Variants in DPP6 observed in about 807,000 individuals in gnomAD.
DPP6 encodes the protein A-type potassium channel modulatory protein DPP6.
A neutral mutation model predicts 122.6 loss-of-function variants in DPP6; 69 were observed. That is an observed-to-expected ratio of 0.56 (90% CI 0.46 to 0.69). The LOEUF is 0.69. Among genes scored for constraint, DPP6 ranks in the 30% least tolerant of loss-of-function variants. The pLI, the probability that DPP6 is intolerant of heterozygous loss-of-function variation, is 0.00. For synonymous variants in DPP6, 418 were observed against 433.1 expected (o/e 0.97, Z 0.43); for missense variants, 928 against 1,116.9 (o/e 0.83, Z 2.41).
At chr7:154,758,968 G>T (rs1232013975) in intron 8 of DPP6, among the ~76,000 whole-genome samples, 1 of 152,174 alleles carries the variant, frequency 6.6e-6, no homozygotes, top group Non-Finnish European at 1.5e-5. Context: ...TTTGTCTATG[G>T]ATTTTCCTCT....
intron 17 of DPP6, among the ~76,000 whole-genome samples, chr7:154,864,243 G>C (rs1322275254): frequency 6.6e-6 from 1 of 152,176 alleles, no homozygotes; most frequent in Non-Finnish European, 1.5e-5. Context: ...GTGTTCATTG[G>C]ATCTGGTCAC....
At chr7:153,868,619 T>C in the DPP6 span, among the ~76,000 whole-genome samples, 2 of 152,196 alleles carry the variant, frequency 1.3e-5, no homozygotes, top group Admixed American at 1.3e-4. Context: ...GATTCATTGA[T>C]TTTTTGAAGG....
Position 154,892,363 on chromosome 7 carries a change from C to G in DPP6, c.2481C>G (p.Thr827=). Reference sequence around the variant, plus strand: ...ACCCGGACGAAAGCCATTACTTTACCAGCTCCAGCCTCAAACAGCATCTGT... The same window carrying G: ...ACCCGGACGAAAGCCATTACTTTACGAGCTCCAGCCTCAAACAGCATCTGT... The part of the protein sequence containing the change: ...QIYPDESHYF[T]SSSLKQHLYR... The change falls in exon 26 of 26, where the codon ACC becomes ACG. Residue 827 remains threonine, a synonymous_variant. Coordinates refer to ENST00000377770, the MANE Select transcript of DPP6 (RefSeq NM_130797.4). The G allele has an allele frequency of 1.2e-6, 2 of 1,613,992 alleles. No individual in the cohort carries two copies. The highest frequency in any genetic ancestry group is 1.1e-5 in the South Asian group (1 of 91,084).
intron 1 of DPP6, among the ~76,000 whole-genome samples, chr7:154,159,395 C>CT (rs1186865951): frequency 2.6e-5 from 4 of 151,992 alleles, no homozygotes; most frequent in African/African-American, 7.3e-5. Flanking sequence ...GGATTTTTAC[C>CT]TTTTTTTTCA....
chr7:154,186,544 C>A (rs563609084), intron 1 of DPP6, among the ~76,000 whole-genome samples: 1 of 152,210 alleles, frequency 6.6e-6, no homozygotes. Context: ...TTCCTGCAGA[C>A]GCACAATGCA....
At chr7:154,422,267 T>G (rs1817529700) in intron 1 of DPP6, among the ~76,000 whole-genome samples, 1 of 152,176 alleles carries the variant, frequency 6.6e-6, no homozygotes, top group African/African-American at 2.4e-5. Flanking sequence ...GAGGTCACTC[T>G]TCCTAGACAA....
At chr7:153,830,116 TC>T in the DPP6 span, among the ~76,000 whole-genome samples, 1 of 152,214 alleles carries the variant, frequency 6.6e-6, no homozygotes, top group South Asian at 2.1e-4. Flanking sequence ...TGTACTTGTC[TC>T]CTGGTTACAG....
At chr7:154,472,304 C>T (rs1417756804) in intron 2 of DPP6, among the ~76,000 whole-genome samples, 3 of 152,222 alleles carry the variant, frequency 2.0e-5, no homozygotes, top group African/African-American at 4.8e-5. Context: ...TTCCTGTTCA[C>T]ATTGTCTGCC....
chr7:153,926,058 C>T (rs533786716), intron 1 of DPP6, among the ~76,000 whole-genome samples: 12 of 152,282 alleles, frequency 7.9e-5, no homozygotes, highest in East Asian at 5.8e-4. Flanking sequence ...CATCCTTCCA[C>T]GTCCTCTCTC....
At chr7:153,852,977 T>G in the DPP6 span, among the ~76,000 whole-genome samples, 1 of 152,164 alleles carries the variant, frequency 6.6e-6, no homozygotes, top group South Asian at 2.1e-4. Flanking sequence ...TTTCAACATG[T>G]GGGCACCCCT....
At chr7:154,546,691 T>A (rs554932066) in intron 4 of DPP6, among the ~76,000 whole-genome samples, 1 of 152,166 alleles carries the variant, frequency 6.6e-6, no homozygotes. Context: ...TTTATCTCTG[T>A]CTCTAAAAAT....
the DPP6 span, among the ~76,000 whole-genome samples, chr7:153,749,376 C>G: frequency 3.3e-5 from 5 of 152,068 alleles, no homozygotes; most frequent in Non-Finnish European, 7.4e-5. This position sits in a 1 kb window ranked among gnomAD's most constrained non-coding sequence, Gnocchi z 4.1. Flanking sequence ...GCCCCTCCCC[C>G]TTTCACAATC....
intron 1 of DPP6, among the ~76,000 whole-genome samples, chr7:154,388,650 G>A (rs1248453405): frequency 6.6e-6 from 1 of 152,224 alleles, no homozygotes; most frequent in African/African-American, 2.4e-5. Context: ...TGCTCTGGCT[G>A]CCTGGCTTAT....
chr7:154,759,075 T>C (rs1276522128), intron 8 of DPP6, among the ~76,000 whole-genome samples: 1 of 152,186 alleles, frequency 6.6e-6, no homozygotes, highest in Admixed American at 6.5e-5. Context: ...GGACAGAAGA[T>C]TGTGAATGGA....
At chr7:153,881,721 C>T in the DPP6 span, among the ~76,000 whole-genome samples, 31 of 152,168 alleles carry the variant, frequency 2.0e-4, no homozygotes, top group Non-Finnish European at 4.4e-4. Context: ...TTCCATCACC[C>T]AGCTCTGCTT....
chr7:154,834,011 A>C (rs994909420), intron 16 of DPP6, among the ~76,000 whole-genome samples: 2 of 152,120 alleles, frequency 1.3e-5, no homozygotes, highest in Non-Finnish European at 2.9e-5. Flanking sequence ...CAGTGAGGTC[A>C]TCAGCACCGT....
chr7:154,765,812 G>C (rs1004321153), intron 8 of DPP6, among the ~76,000 whole-genome samples: 5 of 152,210 alleles, frequency 3.3e-5, no homozygotes, highest in Non-Finnish European at 7.3e-5. Context: ...TACTTGCTCA[G>C]AAAGCCAAGT....
At chr7:154,235,609 C>A (rs1563349454) in intron 1 of DPP6, among the ~76,000 whole-genome samples, 3 of 151,744 alleles carry the variant, frequency 2.0e-5, no homozygotes, top group African/African-American at 7.3e-5. Context: ...AAGCCCCTTT[C>A]CACATAGGTT....
At chr7:154,575,846 G>A (rs1349873731) in intron 5 of DPP6, among the ~76,000 whole-genome samples, 1 of 151,882 alleles carries the variant, frequency 6.6e-6, no homozygotes, top group Non-Finnish European at 1.5e-5. Context: ...GCTAGTGGGG[G>A]AATTGGAGGA....
Sources: allele counts gnomAD v4.1 joint callset (sites outside exome capture counted in the v4.1 genomes callset), GRCh38; gene constraint gnomAD v4.1.1; non-coding constraint Gnocchi (gnomAD v3.1); transcripts MANE v1.5; gene names NCBI Gene and HGNC (gene_info 2026-07-23, HGNC 2026-07-21).